PTPRU: variants seen among roughly 807,000 people sequenced by gnomAD.
PTPRU encodes receptor-type tyrosine-protein phosphatase U.
A neutral mutation model predicts 166.3 loss-of-function variants in PTPRU; 69 were observed. The ratio of observed to expected loss-of-function variants is 0.41; its 90% CI spans 0.34 to 0.51. PTPRU has a LOEUF of 0.51. Among genes scored for constraint, PTPRU ranks in the 20% least tolerant of loss-of-function variants. The pLI is 0.09. For missense variants in PTPRU, 1,657 were observed against 2,013.7 expected (o/e 0.82, Z 3.39); for synonymous variants, 793 against 814.0 (o/e 0.97, Z 0.44).
intron 1 of PTPRU, among the ~76,000 whole-genome samples, chr1:29,252,174 A>G (rs543751900): frequency 3.3e-5 from 5 of 151,894 alleles, no homozygotes; most frequent in African/African-American, 1.2e-4. Context: ...CCATCCTCAC[A>G]CCCACATCTC....
In PTPRU at chr1:29,317,606, G is replaced by A; in HGVS notation, c.3514-142G>A. On this transcript the variant is annotated intron_variant, in intron 24 of 29. Transcript: ENST00000373779. The surrounding 1 kb of genome is among the most constrained non-coding windows in gnomAD (Gnocchi z 5.6). ...CTAGAGACAGGGAGTCTGGCTCCGT[G>A]CCCTGTACCCTTCTCTCTGGACCTC... 2 of 971,270 alleles carry A rather than the reference G, an allele frequency of 2.1e-6. No individual in the cohort carries two copies. Among genetic ancestry groups the A allele is most frequent in the Non-Finnish European group, 3.0e-6 (2 of 667,184 alleles). The allele number at this position is 971,270 out of a possible 1,614,324, so 60.2% of individuals were successfully genotyped here. A position where few individuals can be genotyped will look rare whatever the true frequency, so the allele number is the denominator to read the frequency against.
chr1:29,275,106 A>T (rs1432774790), intron 7 of PTPRU, among the ~76,000 whole-genome samples: 2 of 151,588 alleles, frequency 1.3e-5, no homozygotes, highest in South Asian at 2.1e-4. Flanking sequence ...AGCCATTGTC[A>T]TGCATCCTTT....
intron 25 of PTPRU, among the ~76,000 whole-genome samples, chr1:29,318,417 C>T (rs975212946): frequency 2.6e-5 from 4 of 152,204 alleles, no homozygotes; most frequent in Non-Finnish European, 5.9e-5. Flanking sequence ...GCTTCAAGCT[C>T]AGGGGCTCTG....
intron 15 of PTPRU, among the ~76,000 whole-genome samples, chr1:29,302,681 C>G (rs1366935757): frequency 6.6e-6 from 1 of 152,138 alleles, no homozygotes; most frequent in Non-Finnish European, 1.5e-5. Flanking sequence ...TCCCAAGTAG[C>G]TGGGATTACA....
intron 14 of PTPRU, among the ~76,000 whole-genome samples, chr1:29,288,809 A>C (rs999269087): frequency 6.6e-6 from 1 of 151,518 alleles, no homozygotes. Context: ...TCTGCCACTG[A>C]CCCCCAGAGA....
intron 1 of PTPRU, among the ~76,000 whole-genome samples, chr1:29,245,566 A>G (rs537407056): frequency 1.3e-5 from 2 of 152,196 alleles, no homozygotes; most frequent in African/African-American, 2.4e-5. Context: ...TCAGCCCTCT[A>G]CTTCACTGGG....
chr1:29,315,372 C>T lies in PTPRU; in HGVS notation c.3228C>T (p.Ser1076=), dbSNP rs771446818. ...TGGTCTGGGGCTGCTCTCTCTCCAGCGCGGGCACCGGCCGCACAGGTTGCT... is the reference window on the plus strand; with the variant it reads ...TGGTCTGGGGCTGCTCTCTCTCCAGTGCGGGCACCGGCCGCACAGGTTGCT... The part of the protein sequence containing the change: ...PDAGPIVIHC[S]AGTGRTGCYI... The change falls in exon 23 of 30, where the codon AGC becomes AGT. Residue 1076 remains serine, a splice_region_variant and synonymous_variant. Coordinates refer to ENST00000373779, the MANE Select transcript of PTPRU (RefSeq NM_133178.4). This position sits in a 1 kb window ranked among gnomAD's most constrained non-coding sequence, Gnocchi z 4.5. The T allele has an allele frequency of 2.5e-5, 40 of 1,614,088 alleles. No individual in the cohort carries two copies. Among genetic ancestry groups the T allele is most frequent in the Non-Finnish European group, 3.3e-5 (39 of 1,180,018 alleles).
At position 29,259,894 on chromosome 1, in the gene PTPRU, G is replaced by A; in HGVS notation, c.700G>A (p.Ala234Thr). 1 of 1,531,728 alleles carries A rather than the reference G, an allele frequency of 6.5e-7. No individual in the cohort carries two copies. The allele number at this position is 1,531,728 out of a possible 1,614,324, so 94.9% of individuals were successfully genotyped here. A position where few individuals can be genotyped will look rare whatever the true frequency, so the allele number is the denominator to read the frequency against. ...GCGGCAGAGCGGGGCGCTGGTGCCG[G>A]CGGCGGGCGTGCGGCACATCAGCCA... Reference protein sequence around the residue: ...LQRQSGALVPAAGVRHISHRR... With the variant: ...LQRQSGALVPTAGVRHISHRR... Residue 234 changes from alanine (A) to threonine (T), a missense_variant, in exon 6 of 30, where the codon GCG (alanine) becomes ACG (threonine). This residue lies in a region of PTPRU where 453 missense variants were observed against 496.9 expected (regional missense o/e 0.91). Coordinates refer to ENST00000373779, the MANE Select transcript of PTPRU (RefSeq NM_133178.4).
At position 29,238,415 on chromosome 1, in the gene PTPRU, C is replaced by T. The variant is rs1025417313; in HGVS notation, c.73+1698C>T. Among the ~76,000 whole-genome samples the T allele has an allele frequency of 2.0e-5, 3 of 152,272 alleles. No individual in the cohort carries two copies. Among genetic ancestry groups the T allele is most frequent in the African/African-American group, 7.2e-5 (3 of 41,586 alleles). ...CCGCGGGCTCCGGGTAGCCGGGAGA[C>T]GCCCGGGGCGGGATCCGAGCCGAGA... On this transcript the variant is annotated intron_variant, in intron 1 of 29. Coordinates refer to ENST00000373779, the MANE Select transcript of PTPRU (RefSeq NM_133178.4). This position sits in a 1 kb window ranked among gnomAD's most constrained non-coding sequence, Gnocchi z 6.1.
rs10915252 is a variant in PTPRU, at chr1:29,323,362, T to A, written c.3829-9T>A. 6.2e-7 allele frequency: 1 copy of A among 1,602,186 alleles called. No individual in the cohort carries two copies. The highest frequency in any genetic ancestry group is 1.1e-5 in the South Asian group (1 of 88,834). On this transcript the variant is annotated splice_polypyrimidine_tract_variant and intron_variant, in intron 26 of 29. Coordinates refer to ENST00000373779, the MANE Select transcript of PTPRU (RefSeq NM_133178.4). The stretch of plus-strand genomic sequence containing the variant: ...TACTCAGCTCTCCCCTCTCCGTGCT[T>A]ATGCCCAGCCCTGCCTGCAGTACTG...
chr1:29,275,410 T>A (rs1190560624), intron 7 of PTPRU, 38 bp from the exon 8 acceptor site: 1 of 1,541,028 alleles, frequency 6.5e-7, no homozygotes, highest in Non-Finnish European at 8.9e-7. Flanking sequence ...TCTTCCCATT[T>A]CTTCTAACTT....
In PTPRU at chr1:29,320,715, A is replaced by G; in HGVS notation, c.3718A>G (p.Thr1240Ala). The G allele has an allele frequency of 1.9e-6, 3 of 1,604,332 alleles. No individual in the cohort carries two copies. Among genetic ancestry groups the G allele is most frequent in the Non-Finnish European group, 2.6e-6 (3 of 1,172,756 alleles). ...SYTRSAAFIV[T>A]LHPLQSTTPD... Reference sequence around the variant, plus strand: ...CACACGGAGTGCGGCCTTCATCGTGACCCTGCACCCGCTGCAGAGCACCAC... The same window carrying G: ...CACACGGAGTGCGGCCTTCATCGTGGCCCTGCACCCGCTGCAGAGCACCAC... Residue 1240 changes from threonine (T) to alanine (A), a missense_variant, in exon 26 of 30, where the codon ACC becomes GCC. By Grantham distance (58) the Thr-to-Ala change is moderately conservative. Coordinates refer to ENST00000373779, the MANE Select transcript of PTPRU (RefSeq NM_133178.4). This position sits in a 1 kb window ranked among gnomAD's most constrained non-coding sequence, Gnocchi z 5.2.
intron 26 of PTPRU, among the ~76,000 whole-genome samples, chr1:29,322,650 G>A (rs76984818): frequency 0.01 from 1,574 of 152,212 alleles, 28 homozygotes; most frequent in African/African-American, 0.036. Context: ...GTGTCTTTTT[G>A]GGAGAGGATG....
chr1:29,281,853 G>A (rs770992607), intron 11 of PTPRU, among the ~76,000 whole-genome samples: 4 of 152,208 alleles, frequency 2.6e-5, no homozygotes, highest in African/African-American at 4.8e-5. Context: ...ACGCCAAGAC[G>A]TGACCGAGAC....
chr1:29,303,769 C>A, intron 15 of PTPRU, 86 bp from the exon 16 acceptor site: 1 of 1,376,754 alleles, frequency 7.3e-7, no homozygotes, highest in South Asian at 1.4e-5. Flanking sequence ...GCTGTGCCTC[C>A]CCACCCCCAT....
At chr1:29,305,552 A>T in intron 18 of PTPRU, 124 bp downstream of exon 18, 1 of 982,492 alleles carries the variant, frequency 1.0e-6, no homozygotes, top group South Asian at 1.3e-5. Flanking sequence ...GAGTGCCCCT[A>T]TCTCTGCAGT....
chr1:29,320,632 G>T lies in PTPRU; in HGVS notation c.3688-53G>T, dbSNP rs543476516. 6.6e-6 allele frequency: 10 copies of T among 1,505,750 alleles called. No individual in the cohort carries two copies. In the East Asian group the frequency reaches 1.7e-4, roughly 25 times the overall value. 93.3% of individuals were successfully genotyped at this position (1,505,750 alleles called of 1,614,324 possible). ...GAAGACAGCCTGGGGCAGAGGCTCA[G>T]CCCAGGCCAGGGGCCGGGAACAGGG... On this transcript the variant is annotated intron_variant, in intron 25 of 29. Coordinates refer to ENST00000373779, the MANE Select transcript of PTPRU (RefSeq NM_133178.4). This position sits in a 1 kb window ranked among gnomAD's most constrained non-coding sequence, Gnocchi z 5.2.
In PTPRU at chr1:29,284,097, G is replaced by A. The variant is rs151250600; in HGVS notation, c.2179+121G>A. On this transcript the variant is annotated intron_variant, in intron 13 of 29. Coordinates refer to ENST00000373779, the MANE Select transcript of PTPRU (RefSeq NM_133178.4). ...AGAGGAGGGTGGTTGGGCAGTCCTG[G>A]GGCCAGGAGGGGCTTCCTGCTGGGT... 1.9e-4 allele frequency: 229 copies of A among 1,185,548 alleles called. 1 individual carries two copies. The African/African-American group carries it at 2.5e-3, about 13-fold the overall frequency. 73.4% of individuals were successfully genotyped at this position (1,185,548 alleles called of 1,614,324 possible). A position where few individuals can be genotyped will look rare whatever the true frequency, so the allele number is the denominator to read the frequency against.
At chr1:29,298,133 C>T (rs1402296245) in intron 15 of PTPRU, among the ~76,000 whole-genome samples, 2 of 152,072 alleles carry the variant, frequency 1.3e-5, no homozygotes, top group African/African-American at 2.4e-5. Context: ...TGGCAGGCAC[C>T]TGTAATCCCA....
Sources: allele counts gnomAD v4.1 joint callset (sites outside exome capture counted in the v4.1 genomes callset), GRCh38; gene constraint gnomAD v4.1.1; regional missense constraint gnomAD v4.1.1; non-coding constraint Gnocchi (gnomAD v3.1); transcripts MANE v1.5; gene names NCBI Gene and HGNC (gene_info 2026-07-23, HGNC 2026-07-21).